The following DLG2 variants were observed in gnomAD, a reference collection of about 807,000 sequenced individuals.
DLG2 encodes discs large MAGUK scaffold protein 2.
DLG2 carries 45 observed loss-of-function variants against 132.5 expected under a neutral mutation model. The ratio of observed to expected loss-of-function variants is 0.34; its 90% CI spans 0.27 to 0.44. DLG2 has a LOEUF of 0.44. DLG2 is among the 20% of genes least tolerant of loss of function. The pLI is 1.00. For synonymous variants in DLG2, 424 were observed against 419.6 expected, an observed-to-expected ratio of 1.01 and a Z score of -0.13; for missense variants, 1,045 against 1,196.9, an observed-to-expected ratio of 0.87 and a Z score of 1.87.
At chr11:84,578,893 G>A (rs538799021) in intron 6 of DLG2, among the ~76,000 whole-genome samples, 2 of 152,208 alleles carry the variant, frequency 1.3e-5, no homozygotes, top group Admixed American at 1.3e-4. Flanking sequence ...TGTTGTGGGA[G>A]GCACCCAGGG....
chr11:85,112,527 G>A (rs1362747129), intron 5 of DLG2, among the ~76,000 whole-genome samples: 1 of 151,752 alleles, frequency 6.6e-6, no homozygotes, highest in Non-Finnish European at 1.5e-5. Context: ...TTTTTTCATT[G>A]TATTCTCAGT....
intron 17 of DLG2, among the ~76,000 whole-genome samples, chr11:83,813,181 C>A (rs1594804686): frequency 6.6e-6 from 1 of 152,140 alleles, no homozygotes; most frequent in East Asian, 1.9e-4. Flanking sequence ...CAAAGCCATA[C>A]TTTTTCATCT....
chr11:85,313,270 G>A (rs1250444108), intron 3 of DLG2, among the ~76,000 whole-genome samples: 4 of 151,920 alleles, frequency 2.6e-5, no homozygotes, highest in Admixed American at 6.6e-5. Flanking sequence ...TGTTGAAGAT[G>A]GCAAAGTCAT....
intron 3 of DLG2, among the ~76,000 whole-genome samples, chr11:85,337,002 T>A (rs956490152): frequency 2.6e-5 from 4 of 152,172 alleles, no homozygotes; most frequent in African/African-American, 9.7e-5. Context: ...AAACTATTAT[T>A]CACATGCTTT....
chr11:84,772,374 T>G, intron 6 of DLG2, among the ~76,000 whole-genome samples: 1 of 151,756 alleles, frequency 6.6e-6, no homozygotes, highest in South Asian at 2.1e-4. Context: ...ACTGACAGCA[T>G]TAGATAGATC....
At chr11:84,752,557 T>TC (rs1461381271) in intron 6 of DLG2, among the ~76,000 whole-genome samples, 2 of 144,824 alleles carry the variant, frequency 1.4e-5, no homozygotes, top group Non-Finnish European at 3.0e-5. Context: ...TCTTTGGTTT[T>TC]CTTTTTCTTT....
At position 83,699,570 on chromosome 11, in the gene DLG2, C is replaced by T. The variant is rs113955331; in HGVS notation, c.1826-66245G>A. On this transcript the variant is annotated intron_variant, in intron 18 of 27. Transcript: ENST00000376104. ...GAAAAAAAAAAAAAAACTAGCCGGG[C>T]GTGGTGGTGGGTGCCTGCAGTCCCA... 8.5e-3 allele frequency among the ~76,000 whole-genome samples: 1,262 copies of T among 149,042 alleles called. 20 individuals are homozygous for T. Among genetic ancestry groups the T allele is most frequent in the African/African-American group, 0.027 (1,119 of 40,820 alleles).
chr11:84,078,406 CA>C (rs1305899910), intron 10 of DLG2, among the ~76,000 whole-genome samples: 1 of 152,106 alleles, frequency 6.6e-6, no homozygotes, highest in Non-Finnish European at 1.5e-5. Flanking sequence ...CATGATTTAA[CA>C]AAATGATTAG....
rs181592476 is a variant in DLG2, at chr11:84,692,500, A to G, written c.358-157769T>C. 4.7e-4 allele frequency among the ~76,000 whole-genome samples: 71 copies of G among 151,882 alleles called. No homozygotes were observed. In the East Asian group the frequency reaches 0.011, roughly 23 times the overall value. On this transcript the variant is annotated intron_variant, in intron 6 of 27. Transcript: ENST00000376104. ...GATTTTCTCCCAGTTTATACCAGGTATATTCCTCTAGATTTTCATTTAGGT... is the reference window on the plus strand; with the variant it reads ...GATTTTCTCCCAGTTTATACCAGGTGTATTCCTCTAGATTTTCATTTAGGT...
intron 16 of DLG2, among the ~76,000 whole-genome samples, chr11:83,862,314 A>G (rs912865750): frequency 6.6e-6 from 1 of 152,190 alleles, no homozygotes; most frequent in African/African-American, 2.4e-5. Context: ...ACTGGAGGTC[A>G]TTATGTTAAG....
At chr11:85,584,381 T>TGC (rs2078828846) in intron 3 of DLG2, among the ~76,000 whole-genome samples, 1 of 144,284 alleles carries the variant, frequency 6.9e-6, no homozygotes, top group African/African-American at 2.6e-5. Context: ...TGTGTGTGTG[T>TGC]ATCACATTTT....
At chr11:85,405,523 A>T (rs1271309573) in intron 3 of DLG2, among the ~76,000 whole-genome samples, 1 of 151,796 alleles carries the variant, frequency 6.6e-6, no homozygotes, top group Non-Finnish European at 1.5e-5. Flanking sequence ...GTGTATATTT[A>T]AAAACAGTTA....
chr11:85,467,957 G>GT, intron 3 of DLG2, among the ~76,000 whole-genome samples: 1 of 152,202 alleles, frequency 6.6e-6, no homozygotes, highest in East Asian at 1.9e-4. Context: ...TTTTTGGTTG[G>GT]TAGGCTATTA....
At chr11:83,907,273 A>G (rs942021095) in intron 15 of DLG2, among the ~76,000 whole-genome samples, 14 of 152,202 alleles carry the variant, frequency 9.2e-5, no homozygotes, top group African/African-American at 3.4e-4. Flanking sequence ...CTATATCCCA[A>G]ACATTGGGGA....
Position 83,515,823 on chromosome 11 carries a change from G to C in DLG2, c.2193+16885C>G, listed in dbSNP as rs191886798. On this transcript the variant is annotated intron_variant, in intron 21 of 27. Transcript: ENST00000376104. ...GAGCAGGTTGTTCAGTTTCCATGTA[G>C]TTGAGCGATTTTTGAGTGAGTTTCT... Among the ~76,000 whole-genome samples, 136 of 152,314 alleles carry C rather than the reference G, an allele frequency of 8.9e-4. 2 individuals carry two copies. Among genetic ancestry groups the C allele is most frequent in the South Asian group, 7.5e-3 (36 of 4,824 alleles).
intron 7 of DLG2, among the ~76,000 whole-genome samples, chr11:84,387,873 G>A (rs2154438081): frequency 6.6e-6 from 1 of 152,258 alleles, no homozygotes; most frequent in South Asian, 2.1e-4. Context: ...AAGTGTCAAT[G>A]TTATGAGAAG....
intron 4 of DLG2, among the ~76,000 whole-genome samples, chr11:85,255,184 G>A (rs2076606008): frequency 6.6e-6 from 1 of 151,926 alleles, no homozygotes. Flanking sequence ...AAGTTAAATT[G>A]CCAACATATC....
intron 4 of DLG2, among the ~76,000 whole-genome samples, chr11:85,189,626 G>A (rs549590375): frequency 6.6e-5 from 10 of 152,168 alleles, no homozygotes; most frequent in African/African-American, 2.4e-4. Context: ...TTAGCAAAAG[G>A]AAAGAGGGTT....
At chr11:84,065,549 TA>T (rs1449180515) in intron 10 of DLG2, among the ~76,000 whole-genome samples, 2 of 152,084 alleles carry the variant, frequency 1.3e-5, no homozygotes, top group Non-Finnish European at 2.9e-5. Flanking sequence ...TGACTATTAT[TA>T]AAAAGGCAAA....
Sources: allele counts gnomAD v4.1 joint callset (sites outside exome capture counted in the v4.1 genomes callset), GRCh38; gene constraint gnomAD v4.1.1; transcripts MANE v1.5; gene names NCBI Gene and HGNC (gene_info 2026-07-23, HGNC 2026-07-21).